Variants in ABCA4 observed in about 807,000 individuals in gnomAD.
The protein encoded by ABCA4 is ATP binding cassette subfamily A member 4, also known as retinal-specific phospholipid-transporting ATPase ABCA4.
ABCA4 carries 196 observed loss-of-function variants against 263.7 expected under a neutral mutation model. The observed-to-expected ratio is 0.74, with a 90% CI of 0.66 to 0.84. The LOEUF (loss-of-function observed/expected upper bound fraction) is 0.84. ABCA4 is among the 40% of genes least tolerant of loss of function. The pLI, the probability that ABCA4 is intolerant of heterozygous loss-of-function variation, is 0.00. For missense variants in ABCA4, 2,792 were observed against 2,855.1 expected, an observed-to-expected ratio of 0.98 and a Z score of 0.50; for synonymous variants, 1,133 against 1,094.2, an observed-to-expected ratio of 1.04 and a Z score of -0.70.
At chr1:94,049,225 A>G (rs1557781873) in intron 17 of ABCA4, among the ~76,000 whole-genome samples, 1 of 152,210 alleles carries the variant, frequency 6.6e-6, no homozygotes, top group African/African-American at 2.4e-5. Context: ...TAAAAAAATT[A>G]AGAAAACCAG....
rs533071544 is a variant in ABCA4 at position 94,018,063 on chromosome 1, T to C, written c.5196+1519A>G. 9.8e-5 allele frequency among the ~76,000 whole-genome samples: 15 copies of C among 152,326 alleles called. No individual in the cohort carries two copies. In the South Asian group the frequency reaches 3.1e-3, roughly 32 times the overall value. On this transcript the variant is annotated intron_variant, in intron 36 of 49. Transcript: ENST00000370225. Reference sequence around the variant, plus strand: ...AATTCTGGAGCATCAGAAAGCCTGCTAACATGATGCCTACCATCTTCTACC... The same window carrying C: ...AATTCTGGAGCATCAGAAAGCCTGCCAACATGATGCCTACCATCTTCTACC...
At chr1:94,077,659 G>A in intron 11 of ABCA4, 31 bp downstream of exon 11, 4 of 1,581,828 alleles carry the variant, frequency 2.5e-6, no homozygotes, top group Non-Finnish European at 3.4e-6. Flanking sequence ...CTATCTTCAA[G>A]GGGCCCACTG....
rs769198719 is a variant in ABCA4, at chr1:94,008,730, A to G, written c.5835+21T>C. The stretch of plus-strand genomic sequence containing the variant: ...ACTGTGGATCTAACCAGCACCTCCA[A>G]ACTCATACCCATTCCCTTACCTTGG... On this transcript the variant is annotated intron_variant, in intron 41 of 49. Coordinates refer to ENST00000370225, the MANE Select transcript of ABCA4 (RefSeq NM_000350.3). The G allele has an allele frequency of 1.1e-5, 18 of 1,613,776 alleles. No homozygotes were observed. In the East Asian group the frequency reaches 3.1e-4, roughly 28 times the overall value.
At position 94,043,493 on chromosome 1, in the gene ABCA4, C is replaced by G. The variant is rs757046756; in HGVS notation, c.3051-18G>C. ...CCGTGAGGCTAGGAGGATGGGACAA[C>G]GAGAAAAGCAGTGGCTTAGCACTTC... On this transcript the variant is annotated intron_variant, in intron 20 of 49. Transcript: ENST00000370225. The G allele has an allele frequency of 4.3e-6, 7 of 1,613,950 alleles. No homozygotes were observed. Among genetic ancestry groups the G allele is most frequent in the Non-Finnish European group, 5.9e-6 (7 of 1,179,984 alleles).
At chr1:94,032,971 T>C (rs1251773844) in intron 26 of ABCA4, among the ~76,000 whole-genome samples, 1 of 151,290 alleles carries the variant, frequency 6.6e-6, no homozygotes, top group East Asian at 2.0e-4. Flanking sequence ...TCAGAGTCGA[T>C]GTGGTTCTTT....
intron 33 of ABCA4, 58 bp from the exon 34 acceptor site, chr1:94,021,772 C>G: frequency 6.2e-7 from 1 of 1,605,842 alleles, no homozygotes; most frequent in East Asian, 2.2e-5. Flanking sequence ...CCTGTTATCA[C>G]TCATGAGAGT....
intron 5 of ABCA4, among the ~76,000 whole-genome samples, chr1:94,100,320 C>T (rs947706589): frequency 1.3e-5 from 2 of 152,198 alleles, no homozygotes; most frequent in African/African-American, 4.8e-5. Flanking sequence ...GTGTCAGGCG[C>T]CCTTCCAAGT....
intron 1 of ABCA4, among the ~76,000 whole-genome samples, chr1:94,113,742 A>G (rs1260138545): frequency 6.6e-6 from 1 of 152,260 alleles, no homozygotes; most frequent in Non-Finnish European, 1.5e-5. Context: ...TCAAGTTTCT[A>G]TTGCTTAAAG....
intron 11 of ABCA4, among the ~76,000 whole-genome samples, chr1:94,064,097 T>C (rs576583937): frequency 1.3e-5 from 2 of 152,372 alleles, no homozygotes; most frequent in East Asian, 3.9e-4. Context: ...GTGAGGGCTA[T>C]TGGTGTCGAC....
chr1:94,012,412 T>A (rs1447479168), intron 38 of ABCA4, among the ~76,000 whole-genome samples: 1 of 152,210 alleles, frequency 6.6e-6, no homozygotes, highest in Non-Finnish European at 1.5e-5. Flanking sequence ...AAGATTCCCA[T>A]GAGAAAGTAT....
At position 94,108,591 on chromosome 1, in the gene ABCA4, G is replaced by C; in HGVS notation, c.428C>G (p.Pro143Arg). The C allele has an allele frequency of 1.2e-6, 2 of 1,613,522 alleles. No individual in the cohort carries two copies. The highest frequency in any genetic ancestry group is 1.7e-6 in the Non-Finnish European group (2 of 1,179,972). ...SQFMDTLRTH[P>R]ERIAGRGIRI... Reference sequence around the variant, plus strand: ...GTCATGCTTACCTGCAATTCTCTCCGGGTGAGTCCGGAGGGTGTCCATGAA... The same window carrying C: ...GTCATGCTTACCTGCAATTCTCTCCCGGTGAGTCCGGAGGGTGTCCATGAA... Residue 143 changes from proline (P) to arginine (R), a missense_variant, in exon 4 of 50, where the codon CCG becomes CGG. Physicochemically the swap from Pro to Arg is moderately radical, Grantham distance 103 (BLOSUM62 -2). Coordinates refer to ENST00000370225, the MANE Select transcript of ABCA4 (RefSeq NM_000350.3).
Position 94,031,955 on chromosome 1 carries a change from G to A in ABCA4, c.3951C>T (p.Ser1317=). The part of the protein sequence containing the change: ...REKAGQTPQD[S]NVCSPGAPAA... The stretch of plus-strand genomic sequence containing the variant: ...CCGGCGCCCCTGGGGAGCAGACATT[G>A]GAGTCCTGGGGTGTCTGTCCAGCCT... Residue 1317 remains serine (S), a synonymous_variant, in exon 27 of 50, where the codon TCC becomes TCT. Coordinates refer to ENST00000370225, the MANE Select transcript of ABCA4 (RefSeq NM_000350.3). 6.2e-7 allele frequency: 1 copy of A among 1,614,122 alleles called. No individual in the cohort carries two copies. The highest frequency in any genetic ancestry group is 8.5e-7 in the Non-Finnish European group (1 of 1,180,016).
At chr1:94,050,565 T>A (rs1660809013) in intron 17 of ABCA4, among the ~76,000 whole-genome samples, 2 of 152,326 alleles carry the variant, frequency 1.3e-5, no homozygotes, top group South Asian at 4.1e-4. Flanking sequence ...TCCTTATGAT[T>A]TCTTTTTTTC....
At chr1:93,994,639 TGTAAAGATA>T (rs1658948039) in intron 49 of ABCA4, among the ~76,000 whole-genome samples, 4 of 152,358 alleles carry the variant, frequency 2.6e-5, no homozygotes, top group African/African-American at 9.6e-5. Flanking sequence ...TGCAAACCTT[TGTAAAGATA>T]GTATGTTGTA....
chr1:94,045,719 C>T, intron 19 of ABCA4: 1 of 456,024 alleles, frequency 2.2e-6, no homozygotes. Flanking sequence ...GAAACAGAAC[C>T]AATTAGAATG....
intron 11 of ABCA4, 103 bp from the exon 12 acceptor site, chr1:94,063,420 T>C (rs888169614): frequency 2.0e-4 from 231 of 1,149,320 alleles, no homozygotes; most frequent in Non-Finnish European, 2.2e-4. Flanking sequence ...TCCCAGGAAA[T>C]GGTCAAATGC....
Position 94,103,215 on chromosome 1 carries a change from G to T in ABCA4, c.443-73C>A, listed in dbSNP as rs937093702. 31 of 1,560,916 alleles carry T rather than the reference G, an allele frequency of 2.0e-5. No individual in the cohort carries two copies. In the African/African-American group the frequency reaches 3.8e-4, roughly 19 times the overall value. ...CAAAAAAAGGAAAACAGCCAGAGTC[G>T]ATTGGAAACACTTGTAACTCAACTC... On this transcript the variant is annotated intron_variant, in intron 4 of 49. Transcript: ENST00000370225.
intron 35 of ABCA4, 123 bp from the exon 36 acceptor site, chr1:94,019,882 C>T (rs973285667): frequency 9.9e-7 from 1 of 1,014,764 alleles, no homozygotes; most frequent in African/African-American, 1.6e-5. Context: ...CCAGGTTCCT[C>T]TTCTCTACCT....
intron 43 of ABCA4, 105 bp from the exon 44 acceptor site, chr1:94,005,687 T>G (rs751493084): frequency 8.6e-7 from 1 of 1,156,356 alleles, no homozygotes; most frequent in Non-Finnish European, 1.3e-6. Flanking sequence ...AAGCTGCTTC[T>G]TCTCTTCTCC....
Sources: gnomAD v4.1 joint callset for allele counts (sites outside exome capture counted in the v4.1 genomes callset) on GRCh38, gnomAD v4.1.1 for gene constraint, MANE v1.5 for transcripts, NCBI Gene and HGNC (gene_info 2026-07-23, HGNC 2026-07-21) for gene names.